The following IKZF3 variants were observed in gnomAD, a reference collection of about 807,000 sequenced individuals.
IKZF3 encodes IKAROS family zinc finger 3, also known as zinc finger protein Aiolos.
A neutral mutation model predicts 49.0 loss-of-function variants in IKZF3; 10 were observed. That is an observed-to-expected ratio of 0.20 (90% CI 0.13 to 0.35). IKZF3 has a LOEUF of 0.35. IKZF3 is among the 10% of genes least tolerant of loss of function. The pLI is 1.00. For missense variants in IKZF3, 498 were observed against 664.8 expected, an observed-to-expected ratio of 0.75 and a Z score of 2.76; for synonymous variants, 209 against 228.2, an observed-to-expected ratio of 0.92 and a Z score of 0.76.
At chr17:39,838,985 C>T (rs886118163) in intron 1 of IKZF3, among the ~76,000 whole-genome samples, 1 of 151,982 alleles carries the variant, frequency 6.6e-6, no homozygotes, top group Admixed American at 6.6e-5. Flanking sequence ...AGGTGTGTGC[C>T]ACCACATCTG....
At chr17:39,818,039 T>C (rs1172328658) in intron 3 of IKZF3, among the ~76,000 whole-genome samples, 1 of 152,210 alleles carries the variant, frequency 6.6e-6, no homozygotes, top group East Asian at 1.9e-4. Flanking sequence ...CAGTATGGCC[T>C]ACTACAAACC....
chr17:39,846,785 T>G (rs1165212728), intron 1 of IKZF3, among the ~76,000 whole-genome samples: 1 of 152,132 alleles, frequency 6.6e-6, no homozygotes, highest in African/African-American at 2.4e-5. Context: ...TTAAGAATAT[T>G]AGCTAACAAA....
chr17:39,815,896 G>A (rs1252584578), intron 3 of IKZF3, among the ~76,000 whole-genome samples: 1 of 152,180 alleles, frequency 6.6e-6, no homozygotes, highest in Non-Finnish European at 1.5e-5. Flanking sequence ...GTAAATATAG[G>A]TTAGGGCTTC....
chr17:39,804,655 G>A (rs1219321268), intron 3 of IKZF3, among the ~76,000 whole-genome samples: 1 of 152,124 alleles, frequency 6.6e-6, no homozygotes, highest in Non-Finnish European at 1.5e-5. Context: ...GTGATAGCCA[G>A]TCATCTAGTT....
At chr17:39,796,381 C>G (rs543987175) in intron 3 of IKZF3, among the ~76,000 whole-genome samples, 1 of 152,090 alleles carries the variant, frequency 6.6e-6, no homozygotes, top group Non-Finnish European at 1.5e-5. Context: ...AACTGTGGAA[C>G]CTTTTCTCTT....
In IKZF3 at chr17:39,759,093, A is replaced by C. The variant is rs553982268; in HGVS notation, c.*6697T>G. The C allele has an allele frequency of 6.6e-6, 1 of 152,146 alleles. No individual in the cohort carries two copies. The highest frequency in any genetic ancestry group is 2.4e-5 in the African/African-American group (1 of 41,478). The allele number at this position is 152,146 out of a possible 1,614,324, so 9.4% of individuals were successfully genotyped here. A position where few individuals can be genotyped will look rare whatever the true frequency, so the allele number is the denominator to read the frequency against. On this transcript the variant is annotated 3_prime_UTR_variant, in exon 8 of 8. Coordinates refer to ENST00000346872, the MANE Select transcript of IKZF3 (RefSeq NM_012481.5). Reference sequence around the variant, plus strand: ...ATAGCTCAATCGATATCAACACATAAGACAGCCCACAATTGTGATACAGTA... The same window carrying C: ...ATAGCTCAATCGATATCAACACATACGACAGCCCACAATTGTGATACAGTA...
intron 1 of IKZF3, chr17:39,835,877 GT>G: frequency 3.1e-6 from 2 of 635,202 alleles, no homozygotes; most frequent in Non-Finnish European, 6.0e-6. Context: ...CCTCGTACTT[GT>G]TCTTGAAGTC....
At chr17:39,806,197 C>T (rs1025917391) in intron 3 of IKZF3, among the ~76,000 whole-genome samples, 1 of 151,950 alleles carries the variant, frequency 6.6e-6, no homozygotes, top group African/African-American at 2.4e-5. Flanking sequence ...AGGGCTGTTA[C>T]AGTAATGAAA....
chr17:39,774,421 G>T (rs2060526039), intron 7 of IKZF3, among the ~76,000 whole-genome samples: 1 of 152,040 alleles, frequency 6.6e-6, no homozygotes, highest in Non-Finnish European at 1.5e-5. Context: ...GACAAGAGAG[G>T]AGAGGTGAGG....
intron 6 of IKZF3, among the ~76,000 whole-genome samples, chr17:39,781,952 C>G (rs1309313536): frequency 1.3e-5 from 2 of 152,138 alleles, no homozygotes; most frequent in African/African-American, 4.8e-5. Flanking sequence ...TCCACAACTC[C>G]GATTAGATTG....
intron 3 of IKZF3, among the ~76,000 whole-genome samples, chr17:39,813,982 A>C (rs1046931608): frequency 4.6e-5 from 7 of 152,202 alleles, no homozygotes; most frequent in African/African-American, 1.7e-4. Context: ...CCTTCTTCAC[A>C]CATCTAAATG....
At chr17:39,797,667 C>A (rs186258539) in intron 3 of IKZF3, among the ~76,000 whole-genome samples, 1 of 152,136 alleles carries the variant, frequency 6.6e-6, no homozygotes, top group Non-Finnish European at 1.5e-5. Flanking sequence ...AGGTGATCCA[C>A]CTGTCTTGGC....
intron 1 of IKZF3, among the ~76,000 whole-genome samples, chr17:39,837,318 T>C (rs985791233): frequency 2.0e-5 from 3 of 152,212 alleles, no homozygotes; most frequent in Admixed American, 6.5e-5. Context: ...GCATTTTTAA[T>C]AGTGCAATTA....
At chr17:39,850,528 TTA>T (rs2062797624) in intron 1 of IKZF3, among the ~76,000 whole-genome samples, 1 of 127,862 alleles carries the variant, frequency 7.8e-6, no homozygotes, top group Non-Finnish European at 1.6e-5. Context: ...ATTATACATA[TTA>T]TACATGTACA....
intron 1 of IKZF3, among the ~76,000 whole-genome samples, chr17:39,850,035 A>G (rs568447024): frequency 2.2e-4 from 30 of 135,790 alleles, no homozygotes; most frequent in East Asian, 4.1e-4. Flanking sequence ...GTGTGTGTGT[A>G]TATATATAAT....
intron 1 of IKZF3, among the ~76,000 whole-genome samples, chr17:39,856,666 C>T (rs556907001): frequency 1.6e-4 from 25 of 151,664 alleles, no homozygotes; most frequent in African/African-American, 5.3e-4. Context: ...ATTAGCCGGG[C>T]GTGGTAGCGG....
Position 39,777,798 on chromosome 17 carries a change from A to T in IKZF3, c.710-31T>A, listed in dbSNP as rs112790188. ...TTGGAAAAATGTAAAAAGAAGAGAG[A>T]AAAGAACACATTGGTACATGGGGAG... On this transcript the variant is annotated intron_variant, in intron 6 of 7. Coordinates refer to ENST00000346872, the MANE Select transcript of IKZF3 (RefSeq NM_012481.5). The T allele has an allele frequency of 5.6e-6, 9 of 1,601,620 alleles. No individual in the cohort carries two copies. The African/African-American group carries it at 1.1e-4, about 19-fold the overall frequency.
intron 1 of IKZF3, among the ~76,000 whole-genome samples, chr17:39,842,049 AAAAAAAAAAAC>A (rs1036565106): frequency 4.0e-5 from 6 of 148,160 alleles, no homozygotes; most frequent in African/African-American, 1.5e-4. Context: ...AAAAAAAAAA[AAAAAAAAAAAC>A]CAGATAAAAT....
rs367626363 is a variant in IKZF3 at position 39,788,248 on chromosome 17, G to A, written c.709+10C>T. 57 of 1,561,840 alleles carry A rather than the reference G, an allele frequency of 3.6e-5. No individual in the cohort carries two copies. The African/African-American group carries it at 4.1e-4, about 11-fold the overall frequency. ...CAGATGCTCACTAAACGTGTGTTGCGTGAACTCACCAGTGTCCCCTGGGTC... is the reference window on the plus strand; with the variant it reads ...CAGATGCTCACTAAACGTGTGTTGCATGAACTCACCAGTGTCCCCTGGGTC... On this transcript the variant is annotated intron_variant, in intron 6 of 7. Transcript: ENST00000346872.
Sources: allele counts gnomAD v4.1 joint callset (sites outside exome capture counted in the v4.1 genomes callset), GRCh38; gene constraint gnomAD v4.1.1; transcripts MANE v1.5; gene names NCBI Gene and HGNC (gene_info 2026-07-23, HGNC 2026-07-21).